The following MED13L variants were observed in gnomAD, a reference collection of about 807,000 sequenced individuals.
MED13L encodes mediator complex subunit 13L, also known as mediator of RNA polymerase II transcription subunit 13-like.
In MED13L, 7 loss-of-function variants were observed where a neutral mutation model predicts 220.9. The observed-to-expected ratio is 0.03, with a 90% CI of 0.02 to 0.06. The LOEUF is 0.06. MED13L is among the 10% of genes least tolerant of loss of function. MED13L has a pLI of 1.00. For missense variants in MED13L, 1,965 were observed against 2,760.5 expected, an observed-to-expected ratio of 0.71 and a Z score of 6.46; for synonymous variants, 1,011 against 1,015.2, an observed-to-expected ratio of 1.00 and a Z score of 0.08.
chr12:116,103,249 A>C (rs969846918), intron 3 of MED13L, among the ~76,000 whole-genome samples: 12 of 151,740 alleles, frequency 7.9e-5, no homozygotes, highest in African/African-American at 2.7e-4. Context: ...AAATAAAATT[A>C]TGTACTTATT....
chr12:116,047,583 AG>A (rs1317549309), intron 4 of MED13L, among the ~76,000 whole-genome samples: 5 of 152,248 alleles, frequency 3.3e-5, no homozygotes, highest in African/African-American at 1.2e-4. Flanking sequence ...AGAAAATTAA[AG>A]AAAATAGATT....
intron 2 of MED13L, among the ~76,000 whole-genome samples, chr12:116,160,386 C>A (rs948713043): frequency 6.6e-6 from 1 of 152,036 alleles, no homozygotes; most frequent in Non-Finnish European, 1.5e-5. Flanking sequence ...AGGTGAGTCA[C>A]GATGCATCAT....
intron 14 of MED13L, among the ~76,000 whole-genome samples, chr12:115,998,853 T>G (rs1878570469): frequency 6.6e-6 from 1 of 152,132 alleles, no homozygotes; most frequent in South Asian, 2.1e-4. Context: ...GGAATCTGTA[T>G]CTGATTTCAT....
At chr12:116,242,751 A>C (rs2138484130) in intron 1 of MED13L, among the ~76,000 whole-genome samples, 1 of 152,334 alleles carries the variant, frequency 6.6e-6, no homozygotes, top group African/African-American at 2.4e-5. Flanking sequence ...ATTAGGACTC[A>C]GAAAGGTTGA....
intron 1 of MED13L, among the ~76,000 whole-genome samples, chr12:116,250,483 G>A (rs1044314875): frequency 6.6e-6 from 1 of 151,242 alleles, no homozygotes; most frequent in Non-Finnish European, 1.5e-5. Flanking sequence ...TTTTTTCTCG[G>A]CCGGGCATGG....
chr12:116,212,926 C>T (rs1882783254), intron 2 of MED13L, among the ~76,000 whole-genome samples: 2 of 152,132 alleles, frequency 1.3e-5, no homozygotes, highest in Non-Finnish European at 2.9e-5. Flanking sequence ...CCTTGACATG[C>T]TGCCATTAGA....
intron 25 of MED13L, 47 bp downstream of exon 25, chr12:115,975,124 G>A: frequency 6.3e-7 from 1 of 1,574,832 alleles, no homozygotes; most frequent in Non-Finnish European, 8.7e-7. Context: ...CAATAGCTGA[G>A]CCCTTTTCCT....
chr12:116,237,594 G>C lies in MED13L; in HGVS notation c.184C>G (p.Arg62Gly), dbSNP rs1308998041. ...QDDPILLSFI[R>G]CLQANLLCVW... is the part of the protein sequence containing the mutation. ...CAAAGCAGGTTAGCTTGCAGACAGC[G>C]GATGAAACTTAACAGAATTGGATCA... Residue 62 changes from arginine (R) to glycine (G), a missense_variant, in exon 2 of 31, where the codon CGC (arginine) becomes GGC (glycine). Physicochemically the swap from Arg to Gly is moderately radical, Grantham distance 125. Transcript: ENST00000281928. 2 of 1,614,126 alleles carry C rather than the reference G, an allele frequency of 1.2e-6. No homozygotes were observed. The highest frequency in any genetic ancestry group is 1.7e-6 in the Non-Finnish European group (2 of 1,180,034).
intron 9 of MED13L, 116 bp from the exon 10 acceptor site, chr12:116,009,248 G>A: frequency 1.0e-6 from 1 of 964,986 alleles, no homozygotes; most frequent in Non-Finnish European, 1.6e-6. Context: ...AGGGCTCTAA[G>A]TTTTTAATTA....
At chr12:116,257,885 C>A (rs1223688322) in intron 1 of MED13L, among the ~76,000 whole-genome samples, 1 of 151,768 alleles carries the variant, frequency 6.6e-6, no homozygotes, top group Non-Finnish European at 1.5e-5. Context: ...TTGGAACAGT[C>A]TAAGACAAAA....
At chr12:116,160,762 T>A (rs1878797720) in intron 2 of MED13L, among the ~76,000 whole-genome samples, 1 of 151,012 alleles carries the variant, frequency 6.6e-6, no homozygotes, top group African/African-American at 2.4e-5. Flanking sequence ...TTTTTATTTT[T>A]TTTTTTTTTG....
intron 14 of MED13L, among the ~76,000 whole-genome samples, chr12:115,999,952 C>T (rs1246053506): frequency 6.6e-6 from 1 of 152,190 alleles, no homozygotes; most frequent in Admixed American, 6.5e-5. Context: ...TTAAGGAAGA[C>T]TCAGTCTGTC....
chr12:116,169,758 C>T (rs1420327296), intron 2 of MED13L, among the ~76,000 whole-genome samples: 1 of 152,306 alleles, frequency 6.6e-6, no homozygotes, highest in East Asian at 1.9e-4. Flanking sequence ...CTTGTAATTT[C>T]AGTGCTTTGG....
chr12:116,139,218 T>A (rs1425570097), intron 2 of MED13L, among the ~76,000 whole-genome samples: 1 of 152,192 alleles, frequency 6.6e-6, no homozygotes, highest in Non-Finnish European at 1.5e-5. Flanking sequence ...TGCCAACATT[T>A]CACGGTTTGA....
intron 2 of MED13L, among the ~76,000 whole-genome samples, chr12:116,180,791 T>C (rs1880463441): frequency 6.6e-6 from 1 of 152,218 alleles, no homozygotes; most frequent in South Asian, 2.1e-4. Flanking sequence ...TTTAAAGTGA[T>C]ACACAGTAAG....
At chr12:116,211,080 T>C (rs1882672623) in intron 2 of MED13L, among the ~76,000 whole-genome samples, 1 of 152,052 alleles carries the variant, frequency 6.6e-6, no homozygotes, top group African/African-American at 2.4e-5. Context: ...ACACTCTAAT[T>C]ATGCCGCTAG....
At chr12:116,142,189 T>A (rs1011763987) in intron 2 of MED13L, among the ~76,000 whole-genome samples, 3 of 152,214 alleles carry the variant, frequency 2.0e-5, no homozygotes, top group African/African-American at 7.2e-5. Flanking sequence ...TGGTATATTT[T>A]ATGTGTTTAC....
chr12:116,084,435 A>G (rs1227649120), intron 4 of MED13L, among the ~76,000 whole-genome samples: 2 of 152,098 alleles, frequency 1.3e-5, no homozygotes, highest in Non-Finnish European at 2.9e-5. Context: ...CAATTTTTCT[A>G]TTTTCACATA....
At chr12:116,215,037 T>C (rs1392571256) in intron 2 of MED13L, among the ~76,000 whole-genome samples, 2 of 152,172 alleles carry the variant, frequency 1.3e-5, no homozygotes, top group Non-Finnish European at 2.9e-5. Flanking sequence ...CCAAAGGATA[T>C]CATTATATAT....
Sources: allele counts gnomAD v4.1 joint callset (sites outside exome capture counted in the v4.1 genomes callset), GRCh38; gene constraint gnomAD v4.1.1; transcripts MANE v1.5; gene names NCBI Gene and HGNC (gene_info 2026-07-23, HGNC 2026-07-21).